Variants in SGCZ observed in about 807,000 individuals in gnomAD.
SGCZ encodes sarcoglycan zeta.
A neutral mutation model predicts 41.3 loss-of-function variants in SGCZ; 40 were observed. That is an observed-to-expected ratio of 0.97 (90% CI 0.75 to 1.26). The LOEUF (loss-of-function observed/expected upper bound fraction) is 1.26, where lower values mean the gene tolerates loss of function less well. Ranked by LOEUF, SGCZ falls within the 50% of genes most tolerant of loss-of-function variation. The pLI is 0.00. For synonymous variants in SGCZ, 206 were observed against 137.5 expected (o/e 1.50, Z -3.49); for missense variants, 552 against 369.8 (o/e 1.49, Z -4.04).
chr8:14,463,976 G>A (rs936348435), intron 2 of SGCZ, among the ~76,000 whole-genome samples: 2 of 151,382 alleles, frequency 1.3e-5, no homozygotes, highest in African/African-American at 4.9e-5. Flanking sequence ...AATCTTATTG[G>A]CCATGGTTTG....
At chr8:14,468,657 G>C (rs569616383) in intron 2 of SGCZ, among the ~76,000 whole-genome samples, 1 of 152,160 alleles carries the variant, frequency 6.6e-6, no homozygotes, top group African/African-American at 2.4e-5. Context: ...TAATGCCACA[G>C]ATAAACCGTA....
intron 4 of SGCZ, among the ~76,000 whole-genome samples, chr8:14,209,220 C>T (rs10087090): frequency 0.99 from 151,563 of 152,352 alleles, 75,395 homozygotes; most frequent in East Asian, 1. Flanking sequence ...CTGTGGACTC[C>T]ATGTAAATCA....
intron 1 of SGCZ, among the ~76,000 whole-genome samples, chr8:14,639,258 A>G (rs1180219971): frequency 6.6e-6 from 1 of 151,542 alleles, no homozygotes. Context: ...ACTCTTACTT[A>G]CCTTACCACT....
At chr8:14,394,553 A>G (rs1261095832) in intron 2 of SGCZ, among the ~76,000 whole-genome samples, 1 of 152,146 alleles carries the variant, frequency 6.6e-6, no homozygotes, top group Admixed American at 6.5e-5. Flanking sequence ...TCCTGAGATC[A>G]TGGTTGGTTT....
At chr8:15,161,902 G>A (rs887500512) in intron 1 of SGCZ, among the ~76,000 whole-genome samples, 1 of 152,084 alleles carries the variant, frequency 6.6e-6, no homozygotes, top group Non-Finnish European at 1.5e-5. Context: ...GGGCGTGGGG[G>A]TGCACACCTG....
At chr8:14,617,249 T>A (rs1473830245) in intron 1 of SGCZ, among the ~76,000 whole-genome samples, 1 of 152,198 alleles carries the variant, frequency 6.6e-6, no homozygotes, top group Non-Finnish European at 1.5e-5. Context: ...CATATTCATA[T>A]TTATTTTTTC....
chr8:14,301,408 C>T (rs1231590807), intron 3 of SGCZ, among the ~76,000 whole-genome samples: 2 of 151,960 alleles, frequency 1.3e-5, no homozygotes, highest in African/African-American at 2.4e-5. Flanking sequence ...AGCCTAACAT[C>T]TTTACTGGAG....
chr8:14,625,395 C>T lies in SGCZ; in HGVS notation c.40-70469G>A, dbSNP rs184893358. Among the ~76,000 whole-genome samples, 12 of 152,158 alleles carry T rather than the reference C, an allele frequency of 7.9e-5. No individual in the cohort carries two copies. In the East Asian group the frequency reaches 9.7e-4, roughly 12 times the overall value. Reference sequence around the variant, plus strand: ...GGAAAACAGACAAATTGTATTCTCACGTAACTTATGATCAAGACTGCAGAA... The same window carrying T: ...GGAAAACAGACAAATTGTATTCTCATGTAACTTATGATCAAGACTGCAGAA... On this transcript the variant is annotated intron_variant, in intron 1 of 7. Coordinates refer to ENST00000382080, the MANE Select transcript of SGCZ (RefSeq NM_139167.4).
At chr8:14,319,008 G>A (rs756599983) in intron 3 of SGCZ, among the ~76,000 whole-genome samples, 20 of 151,592 alleles carry the variant, frequency 1.3e-4, no homozygotes, top group Non-Finnish European at 2.2e-4. Flanking sequence ...GAATGGAATC[G>A]TAGAAAAACT....
chr8:14,858,015 G>C (rs1235993086), intron 1 of SGCZ, among the ~76,000 whole-genome samples: 2 of 152,086 alleles, frequency 1.3e-5, no homozygotes, highest in Admixed American at 1.3e-4. Flanking sequence ...AAGATAATTT[G>C]AGAACATTAT....
intron 3 of SGCZ, among the ~76,000 whole-genome samples, chr8:14,257,737 G>T (rs190095583): frequency 4.6e-5 from 7 of 151,482 alleles, no homozygotes; most frequent in Non-Finnish European, 7.4e-5. Context: ...GTGGTGTTTG[G>T]TTTTTTGTCC....
chr8:14,961,090 G>C (rs1172915657), intron 1 of SGCZ, among the ~76,000 whole-genome samples: 1 of 152,112 alleles, frequency 6.6e-6, no homozygotes, highest in Non-Finnish European at 1.5e-5. Flanking sequence ...GCGGCAAGCT[G>C]TGAATCAATG....
At chr8:14,732,075 G>T (rs1335738515) in intron 1 of SGCZ, among the ~76,000 whole-genome samples, 2 of 152,148 alleles carry the variant, frequency 1.3e-5, no homozygotes, top group Non-Finnish European at 2.9e-5. Flanking sequence ...AAATAATATT[G>T]CTTCTGAAGT....
chr8:14,851,285 C>T (rs1803311581), intron 1 of SGCZ, among the ~76,000 whole-genome samples: 1 of 133,794 alleles, frequency 7.5e-6, no homozygotes, highest in African/African-American at 2.9e-5. Flanking sequence ...AGGAGAATGG[C>T]ATGAACCTGG....
intron 7 of SGCZ, among the ~76,000 whole-genome samples, chr8:14,098,001 T>G (rs998269861): frequency 1.3e-5 from 2 of 152,176 alleles, no homozygotes; most frequent in Admixed American, 1.3e-4. Flanking sequence ...TATAGCCATC[T>G]TCACACCTTA....
intron 5 of SGCZ, among the ~76,000 whole-genome samples, chr8:14,142,522 C>T (rs1474130704): frequency 2.0e-5 from 3 of 152,074 alleles, no homozygotes; most frequent in East Asian, 3.9e-4. Context: ...TTGCTCTGGA[C>T]GTTGAGTCGT....
At chr8:14,653,587 T>C (rs1436851537) in intron 1 of SGCZ, among the ~76,000 whole-genome samples, 1 of 152,130 alleles carries the variant, frequency 6.6e-6, no homozygotes, top group Non-Finnish European at 1.5e-5. Flanking sequence ...TGTTTACCTT[T>C]CTCTGGCACC....
rs184108050 is a variant in SGCZ at position 14,600,901 on chromosome 8, T to C, written c.40-45975A>G. On this transcript the variant is annotated intron_variant, in intron 1 of 7. Coordinates refer to ENST00000382080, the MANE Select transcript of SGCZ (RefSeq NM_139167.4). ...ATAGACCTCAAGCCTTCTGATATTT[T>C]TTTTTTTGATCAACTTAACCTCAAA... 5.1e-3 allele frequency among the ~76,000 whole-genome samples: 779 copies of C among 152,024 alleles called. 5 individuals carry two copies. Among genetic ancestry groups the C allele is most frequent in the African/African-American group, 0.018 (733 of 41,526 alleles).
At chr8:14,697,070 C>T (rs1808988842) in intron 1 of SGCZ, among the ~76,000 whole-genome samples, 1 of 151,928 alleles carries the variant, frequency 6.6e-6, no homozygotes, top group African/African-American at 2.4e-5. Context: ...TATTCTATAG[C>T]CAGCAACAGA....
Sources: gnomAD v4.1 joint callset for allele counts (sites outside exome capture counted in the v4.1 genomes callset) on GRCh38, gnomAD v4.1.1 for gene constraint, MANE v1.5 for transcripts, NCBI Gene and HGNC (gene_info 2026-07-23, HGNC 2026-07-21) for gene names.